The following AFF3 variants were observed in gnomAD, a reference collection of about 807,000 sequenced individuals.
AFF3 encodes the protein AF4/FMR2 family member 3.
Under a neutral mutation model 129.7 loss-of-function variants are expected in AFF3, and 32 were observed. The observed-to-expected ratio is 0.25, with a 90% CI of 0.19 to 0.33. The LOEUF is 0.33. Among genes scored for constraint, AFF3 ranks in the 10% least tolerant of loss-of-function variants. The pLI, the probability that AFF3 is intolerant of heterozygous loss-of-function variation, is 1.00. For missense variants in AFF3, 1,373 were observed against 1,592.0 expected (o/e 0.86, Z 2.34); for synonymous variants, 644 against 635.4 (o/e 1.01, Z -0.20).
At chr2:99,628,738 T>TTTTTTTTTA (rs1682841620) in intron 13 of AFF3, among the ~76,000 whole-genome samples, 3 of 148,226 alleles carry the variant, frequency 2.0e-5, no homozygotes, top group African/African-American at 2.5e-5. Context: ...TTTTTTTTTT[T>TTTTTTTTTA]GAGACAGAGT....
chr2:99,653,514 T>C (rs532482129), intron 12 of AFF3, among the ~76,000 whole-genome samples: 37 of 152,310 alleles, frequency 2.4e-4, no homozygotes, highest in African/African-American at 8.7e-4. Flanking sequence ...GAAAATGATT[T>C]AAAAAGCGAA....
At chr2:100,063,958 A>G (rs1378020195) in intron 4 of AFF3, among the ~76,000 whole-genome samples, 1 of 151,932 alleles carries the variant, frequency 6.6e-6, no homozygotes, top group African/African-American at 2.4e-5. Context: ...GCATGGTGGC[A>G]TGCACCTGTA....
chr2:100,050,023 C>T (rs1464164807), intron 4 of AFF3, among the ~76,000 whole-genome samples: 1 of 152,048 alleles, frequency 6.6e-6, no homozygotes, highest in East Asian at 1.9e-4. Context: ...ACCAGCCTGG[C>T]CAACATGGTG....
intron 12 of AFF3, among the ~76,000 whole-genome samples, chr2:99,661,232 T>G (rs1321803565): frequency 6.6e-6 from 1 of 152,228 alleles, no homozygotes; most frequent in Non-Finnish European, 1.5e-5. Context: ...CCACTTCTTC[T>G]GCCAACCAGC....
chr2:100,027,979 T>C (rs1684182345), intron 4 of AFF3, among the ~76,000 whole-genome samples: 2 of 152,218 alleles, frequency 1.3e-5, no homozygotes, highest in African/African-American at 2.4e-5. Flanking sequence ...TTACAATCCA[T>C]GTGAATTATT....
chr2:99,924,731 C>T (rs758312097), intron 7 of AFF3, among the ~76,000 whole-genome samples: 4 of 152,088 alleles, frequency 2.6e-5, no homozygotes, highest in Non-Finnish European at 4.4e-5. Context: ...AATTCAACAT[C>T]GATCTGGAAA....
At chr2:100,061,957 G>T (rs551202023) in intron 4 of AFF3, among the ~76,000 whole-genome samples, 1 of 152,236 alleles carries the variant, frequency 6.6e-6, no homozygotes, top group East Asian at 1.9e-4. Context: ...AGGCCTGCTG[G>T]ACTGGCAGCT....
intron 17 of AFF3, 129 bp from the exon 18 acceptor site, chr2:99,578,580 T>C (rs2104783526): frequency 1.4e-6 from 2 of 1,382,922 alleles, no homozygotes; most frequent in East Asian, 2.6e-5. Context: ...TTAGAATTGA[T>C]GGTGATTTTG....
intron 7 of AFF3, among the ~76,000 whole-genome samples, chr2:99,860,808 T>C (rs559533359): frequency 1.4e-3 from 208 of 152,312 alleles, no homozygotes; most frequent in African/African-American, 4.9e-3. Context: ...GACATATGTA[T>C]ATATTGTGTA....
chr2:99,622,287 G>A (rs6718629), intron 13 of AFF3, among the ~76,000 whole-genome samples: 146,117 of 152,246 alleles, frequency 0.96, 70,295 homozygotes, highest in East Asian at 0.99. Context: ...CCTGATCGAA[G>A]ATGGCTCCCA....
chr2:99,850,476 A>C (rs1011247192), intron 7 of AFF3, among the ~76,000 whole-genome samples: 2 of 152,242 alleles, frequency 1.3e-5, no homozygotes, highest in African/African-American at 4.8e-5. Flanking sequence ...GGGTCATTCC[A>C]GACACGGGAG....
chr2:99,690,509 C>T (rs1231009886), intron 11 of AFF3, among the ~76,000 whole-genome samples: 1 of 152,076 alleles, frequency 6.6e-6, no homozygotes, highest in Non-Finnish European at 1.5e-5. Context: ...AGTTCATTGT[C>T]TATTAACTTT....
intron 9 of AFF3, among the ~76,000 whole-genome samples, chr2:99,745,640 C>T (rs1681095320): frequency 1.3e-5 from 2 of 152,110 alleles, no homozygotes; most frequent in African/African-American, 4.8e-5. Context: ...GCAATCATCC[C>T]ACCAGTAACA....
chr2:99,934,865 T>G (rs538422283), intron 7 of AFF3, among the ~76,000 whole-genome samples: 1 of 152,318 alleles, frequency 6.6e-6, no homozygotes, highest in African/African-American at 2.4e-5. Context: ...AAAACTTAGC[T>G]AGCAGGGTCT....
intron 7 of AFF3, among the ~76,000 whole-genome samples, chr2:99,867,865 G>C (rs911965659): frequency 5.9e-5 from 9 of 152,180 alleles, no homozygotes; most frequent in African/African-American, 2.2e-4. Context: ...CAGACTCTGG[G>C]TGACACTTCA....
At chr2:99,777,705 C>T (rs866452189) in intron 8 of AFF3, among the ~76,000 whole-genome samples, 1 of 152,054 alleles carries the variant, frequency 6.6e-6, no homozygotes, top group South Asian at 2.1e-4. Flanking sequence ...GGCTTTCTAC[C>T]TGGTTCCTTT....
chr2:99,849,351 A>G (rs1689970231), intron 7 of AFF3, among the ~76,000 whole-genome samples: 1 of 152,190 alleles, frequency 6.6e-6, no homozygotes, highest in South Asian at 2.1e-4. Context: ...GCTCTTCCCT[A>G]AGATAGGATC....
intron 11 of AFF3, among the ~76,000 whole-genome samples, chr2:99,708,657 GA>G (rs1281035981): frequency 9.9e-5 from 15 of 152,116 alleles, no homozygotes; most frequent in Admixed American, 9.8e-4. Context: ...GTGATTATTA[GA>G]AAACCCAATA....
chr2:100,094,357 GAC>G (rs1249560381), intron 4 of AFF3, among the ~76,000 whole-genome samples: 2 of 152,090 alleles, frequency 1.3e-5, no homozygotes, highest in Non-Finnish European at 2.9e-5. Flanking sequence ...GGTGATGGGA[GAC>G]AGTTACAGAT....
Sources: allele counts gnomAD v4.1 joint callset (sites outside exome capture counted in the v4.1 genomes callset), GRCh38; gene constraint gnomAD v4.1.1; transcripts MANE v1.5; gene names NCBI Gene and HGNC (gene_info 2026-07-23, HGNC 2026-07-21).